CENPF: variants seen among roughly 807,000 people sequenced by gnomAD.
CENPF encodes centromere protein F, also known as AH antigen.
CENPF carries 214 observed loss-of-function variants against 307.3 expected under a neutral mutation model. The ratio of observed to expected loss-of-function variants is 0.70; its 90% CI spans 0.62 to 0.78. The LOEUF (loss-of-function observed/expected upper bound fraction) is 0.78, where lower values mean the gene tolerates loss of function less well. CENPF is among the 30% of genes least tolerant of loss of function. CENPF has a pLI of 0.00. For missense variants in CENPF, 3,401 were observed against 3,483.9 expected, an observed-to-expected ratio of 0.98 and a Z score of 0.60; for synonymous variants, 1,259 against 1,270.6, an observed-to-expected ratio of 0.99 and a Z score of 0.19.
Position 214,643,284 on chromosome 1 carries a change from A to C in CENPF, c.4946A>C (p.Asp1649Ala). 6.5e-7 allele frequency: 1 copy of C among 1,528,578 alleles called. No individual in the cohort carries two copies. The allele number at this position is 1,528,578 out of a possible 1,614,324, so 94.7% of individuals were successfully genotyped here. A position where few individuals can be genotyped will look rare whatever the true frequency, so the allele number is the denominator to read the frequency against. Residue 1649 changes from aspartate to alanine, a missense_variant, in exon 12 of 20, where the codon GAC (aspartate) becomes GCC (alanine). Asp to Ala is a moderately radical substitution (Grantham distance 126, BLOSUM62 -2). Transcript: ENST00000366955. ...GCACGACTCCAGCTACAAGGTCTGGACTTAAGTTCTCGGTCTTTGCTTGGC... is the reference window on the plus strand; with the variant it reads ...GCACGACTCCAGCTACAAGGTCTGGCCTTAAGTTCTCGGTCTTTGCTTGGC... ...EVARLQLQGL[D>A]LSSRSLLGID...
At chr1:214,631,985 A>G (rs1302891701) in intron 9 of CENPF, among the ~76,000 whole-genome samples, 1 of 152,284 alleles carries the variant, frequency 6.6e-6, no homozygotes, top group South Asian at 2.1e-4. Flanking sequence ...TTTAATTCAC[A>G]CTTCCTTGAT....
chr1:214,614,949 G>C lies in CENPF; in HGVS notation c.280G>C (p.Glu94Gln). 6.2e-7 allele frequency: 1 copy of C among 1,611,604 alleles called. No homozygotes were observed. Among genetic ancestry groups the C allele is most frequent in the Non-Finnish European group, 8.5e-7 (1 of 1,179,078 alleles). Reference sequence around the variant, plus strand: ...GATTTCTCATGAACTTCAAGTCAAGGAGTCACAAGTGAATTTCCAGGAAGG... The same window carrying C: ...GATTTCTCATGAACTTCAAGTCAAGCAGTCACAAGTGAATTTCCAGGAAGG... ...QKISHELQVK[E>Q]SQVNFQEGQL... Residue 94 changes from glutamate (E) to glutamine (Q), a missense_variant, in exon 3 of 20, where the codon GAG (glutamate) becomes CAG (glutamine). Glu to Gln is a conservative substitution (Grantham distance 29, BLOSUM62 2). Coordinates refer to ENST00000366955, the MANE Select transcript of CENPF (RefSeq NM_016343.4).
chr1:214,652,419 A>C (rs920159559), intron 15 of CENPF, among the ~76,000 whole-genome samples: 8 of 149,456 alleles, frequency 5.4e-5, no homozygotes, highest in African/African-American at 9.9e-5. Context: ...TTGGAAAGGC[A>C]GGGTTTTGTT....
chr1:214,631,569 G>A (rs1276320505), intron 9 of CENPF, among the ~76,000 whole-genome samples: 11 of 152,120 alleles, frequency 7.2e-5, no homozygotes, highest in Admixed American at 6.5e-4. Flanking sequence ...GCACGATCTC[G>A]GCTCACTGCA....
chr1:214,613,291 CA>C, intron 1 of CENPF: 1 of 260,652 alleles, frequency 3.8e-6, no homozygotes, highest in Admixed American at 3.9e-5. Flanking sequence ...ATCTTCTAAA[CA>C]CCAGCTAACT....
chr1:214,634,645 C>T (rs1657906427), intron 10 of CENPF, among the ~76,000 whole-genome samples: 2 of 152,152 alleles, frequency 1.3e-5, no homozygotes, highest in Non-Finnish European at 2.9e-5. Flanking sequence ...CAACACCTGC[C>T]CATTGCCTTG....
rs1571731160 is a variant in CENPF at position 214,659,567 on chromosome 1, C to T, written c.9141+539C>T. 6.6e-6 allele frequency among the ~76,000 whole-genome samples: 1 copy of T among 152,154 alleles called. No individual in the cohort carries two copies. Among genetic ancestry groups the T allele is most frequent in the South Asian group, 2.1e-4 (1 of 4,826 alleles). ...TTAGTGACTTCTGTGTACCCTACAACATCCCAGAAAATGTTATGTAGAGCA... is the reference window on the plus strand; with the variant it reads ...TTAGTGACTTCTGTGTACCCTACAATATCCCAGAAAATGTTATGTAGAGCA... On this transcript the variant is annotated intron_variant, in intron 19 of 19. Transcript: ENST00000366955. This position sits in a 1 kb window ranked among gnomAD's most constrained non-coding sequence, Gnocchi z 4.4.
At chr1:214,623,269 C>T (rs1451071954) in intron 7 of CENPF, among the ~76,000 whole-genome samples, 1 of 152,100 alleles carries the variant, frequency 6.6e-6, no homozygotes, top group African/African-American at 2.4e-5. Flanking sequence ...GTCATTATTT[C>T]CTAAACAAAT....
At chr1:214,608,746 T>G in intron 1 of CENPF, 1 of 1,599,290 alleles carries the variant, frequency 6.3e-7, no homozygotes, top group Non-Finnish European at 8.5e-7. Context: ...ATAGGTGGCC[T>G]CCGGCGGCAG....
In CENPF at chr1:214,641,456, A is replaced by T; in HGVS notation, c.3118A>T (p.Ser1040Cys). The change falls in exon 12 of 20, where the codon AGT becomes TGT. Residue 1040 changes from serine (S) to cysteine (C), a missense_variant. Ser to Cys is a moderately radical substitution (Grantham distance 112). Coordinates refer to ENST00000366955, the MANE Select transcript of CENPF (RefSeq NM_016343.4). ...EETGNAYEDL[S>C]QKYKAAQEKN... Reference sequence around the variant, plus strand: ...AACCGGAAATGCATATGAGGATCTTAGTCAAAAATACAAAGCAGCACAGGA... The same window carrying T: ...AACCGGAAATGCATATGAGGATCTTTGTCAAAAATACAAAGCAGCACAGGA... The T allele has an allele frequency of 1.3e-6, 2 of 1,547,850 alleles. No homozygotes were observed. The highest frequency in any genetic ancestry group is 2.5e-5 in the South Asian group (2 of 78,700).
Position 214,614,980 on chromosome 1 carries a change from T to C in CENPF, c.311T>C (p.Leu104Pro). ...CAAGTGAATTTCCAGGAAGGACAAC[T>C]GAATTCAGGCAAAAAACAAATAGAA... is the stretch of plus-strand genomic sequence containing the variant. ...ESQVNFQEGQ[L>P]NSGKKQIEKL... Residue 104 changes from leucine to proline, a missense_variant, in exon 3 of 20, where the codon CTG (leucine) becomes CCG (proline). By Grantham distance (98) the Leu-to-Pro change is moderately conservative (BLOSUM62 -3). Transcript: ENST00000366955. 1 of 1,607,646 alleles carries C rather than the reference T, an allele frequency of 6.2e-7. No individual in the cohort carries two copies. The highest frequency in any genetic ancestry group is 8.5e-7 in the Non-Finnish European group (1 of 1,178,088).
In CENPF at chr1:214,658,851, G is replaced by T. The variant is rs531494006; in HGVS notation, c.8964G>T (p.Gly2988=). The change falls in exon 19 of 20, where the codon GGG becomes GGT. Residue 2988 remains glycine (G), a splice_region_variant and synonymous_variant. Coordinates refer to ENST00000366955, the MANE Select transcript of CENPF (RefSeq NM_016343.4). ...GACAGTTATTTTTTTTGCCCTTAGG[G>T]TTTGCTGACATCCCGACAGGAAAGA... ...PEGLPEVVKK[G]FADIPTGKTS... 21 of 1,613,372 alleles carry T rather than the reference G, an allele frequency of 1.3e-5. No individual in the cohort carries two copies. The East Asian group carries it at 4.7e-4, about 36-fold the overall frequency.
In CENPF at chr1:214,640,399, C is replaced by G; in HGVS notation, c.2061C>G (p.Asp687Glu). Residue 687 changes from aspartate (D) to glutamate (E), a missense_variant, in exon 12 of 20, where the codon GAC (aspartate) becomes GAG (glutamate). Coordinates refer to ENST00000366955, the MANE Select transcript of CENPF (RefSeq NM_016343.4). ...TCAGAAACCTTCACAACGTGTTAGA[C>G]AGTAAGTCAGTGGAGGTAGAGACCC... ...VEIRNLHNVL[D>E]SKSVEVETQK... is the part of the protein sequence containing the mutation. 6.2e-7 allele frequency: 1 copy of G among 1,613,986 alleles called. No individual in the cohort carries two copies. Among genetic ancestry groups the G allele is most frequent in the East Asian group, 2.2e-5 (1 of 44,856 alleles).
At chr1:214,609,004 C>T (rs1481388751) in intron 1 of CENPF, among the ~76,000 whole-genome samples, 3 of 151,744 alleles carry the variant, frequency 2.0e-5, no homozygotes, top group Non-Finnish European at 4.4e-5. Context: ...GGCCAGGGCC[C>T]AGCCCCATCG....
intron 12 of CENPF, among the ~76,000 whole-genome samples, chr1:214,643,723 A>G (rs1658202086): frequency 6.6e-6 from 1 of 152,214 alleles, no homozygotes; most frequent in South Asian, 2.1e-4. Context: ...TTTTCAGACT[A>G]TTTTTGATGT....
chr1:214,617,833 C>G (rs1657401656), intron 3 of CENPF, among the ~76,000 whole-genome samples: 1 of 152,170 alleles, frequency 6.6e-6, no homozygotes, highest in Admixed American at 6.5e-5. Flanking sequence ...TTTTATGTCT[C>G]TGTCTTTGGC....
rs752095199 is a variant in CENPF, at chr1:214,642,585, G to C, written c.4247G>C (p.Ser1416Thr). Reference sequence around the variant, plus strand: ...CAAGAGAAATTCTTATCTTTACAAAGTGAACACAAAATTTTACATGATCAG... The same window carrying C: ...CAAGAGAAATTCTTATCTTTACAAACTGAACACAAAATTTTACATGATCAG... Reference protein sequence around the residue: ...ELQEKFLSLQSEHKILHDQHC... With the variant: ...ELQEKFLSLQTEHKILHDQHC... The change falls in exon 12 of 20, where the codon AGT (serine) becomes ACT (threonine). Residue 1416 changes from serine (S) to threonine (T), a missense_variant. Coordinates refer to ENST00000366955, the MANE Select transcript of CENPF (RefSeq NM_016343.4). The C allele has an allele frequency of 6.2e-7, 1 of 1,609,234 alleles. No individual in the cohort carries two copies. The highest frequency in any genetic ancestry group is 1.7e-5 in the Admixed American group (1 of 59,290).
intron 18 of CENPF, 100 bp from the exon 19 acceptor site, chr1:214,658,750 G>A: frequency 8.5e-7 from 1 of 1,177,676 alleles, no homozygotes; most frequent in African/African-American, 1.5e-5. Flanking sequence ...GTATTTTTTG[G>A]AGTTTGCATT....
Position 214,647,246 on chromosome 1 carries a change from G to C in CENPF, c.7676G>C (p.Arg2559Thr). The C allele has an allele frequency of 6.2e-7, 1 of 1,614,102 alleles. No homozygotes were observed. Among genetic ancestry groups the C allele is most frequent in the Non-Finnish European group, 8.5e-7 (1 of 1,179,968 alleles). ...TGGAAGGAGCAAAACTTAGAACTGA[G>C]AAATCTGACAGTGGAATTGGAGCAG... ...QLWKEQNLEL[R>T]NLTVELEQKI... Residue 2559 changes from arginine (R) to threonine (T), a missense_variant, in exon 13 of 20, where the codon AGA becomes ACA. By Grantham distance (71) the Arg-to-Thr change is moderately conservative. Transcript: ENST00000366955.
Sources: gnomAD v4.1 joint callset for allele counts (sites outside exome capture counted in the v4.1 genomes callset) on GRCh38, gnomAD v4.1.1 for gene constraint, Gnocchi (gnomAD v3.1) non-coding constraint, MANE v1.5 for transcripts, NCBI Gene and HGNC (gene_info 2026-07-23, HGNC 2026-07-21) for gene names.